Variants in GRIA4 observed in about 807,000 individuals in gnomAD.
The protein encoded by GRIA4 is glutamate receptor 4.
Under a neutral mutation model 104.0 loss-of-function variants are expected in GRIA4, and 34 were observed. That is an observed-to-expected ratio of 0.33 (90% CI 0.25 to 0.44). GRIA4 has a LOEUF of 0.44. GRIA4 is among the 20% of genes least tolerant of loss of function. The pLI is 1.00. For synonymous variants in GRIA4, 386 were observed against 381.9 expected (o/e 1.01, Z -0.13); for missense variants, 750 against 1,096.5 (o/e 0.68, Z 4.46).
intron 14 of GRIA4, among the ~76,000 whole-genome samples, chr11:105,966,763 A>G (rs1858391113): frequency 6.6e-6 from 1 of 152,178 alleles, no homozygotes; most frequent in African/African-American, 2.4e-5. Context: ...AGAATATGCT[A>G]GTGTCCCAGA....
intron 6 of GRIA4, among the ~76,000 whole-genome samples, chr11:105,896,629 G>A (rs771488401): frequency 2.0e-5 from 3 of 151,930 alleles, no homozygotes; most frequent in African/African-American, 2.4e-5. Context: ...TTCTGCATAG[G>A]GCCAGCCAGT....
intron 4 of GRIA4, among the ~76,000 whole-genome samples, chr11:105,840,706 T>G (rs971940607): frequency 6.6e-6 from 1 of 152,190 alleles, no homozygotes; most frequent in Non-Finnish European, 1.5e-5. Context: ...TCTTTAACTT[T>G]TATTAAACTT....
At chr11:105,612,213 T>C in intron 2 of GRIA4, 63 bp from the exon 3 acceptor site, 1 of 1,471,240 alleles carries the variant, frequency 6.8e-7, no homozygotes. Flanking sequence ...TGACTGTGCT[T>C]GGGGTGGGTA....
At position 105,894,791 on chromosome 11, in the gene GRIA4, A is replaced by ATT. The variant is rs569292239; in HGVS notation, c.727-3460_727-3459dup. 7.4e-3 allele frequency among the ~76,000 whole-genome samples: 939 copies of ATT among 126,346 alleles called. 74 individuals carry two copies. The highest frequency in any genetic ancestry group is 0.019 in the African/African-American group (590 of 31,772). 82.9% of individuals were successfully genotyped at this position (126,346 alleles called of 152,430 possible). A position where few individuals can be genotyped will look rare whatever the true frequency, so the allele number is the denominator to read the frequency against. On this transcript the variant is annotated intron_variant, in intron 6 of 16. Coordinates refer to ENST00000282499, the MANE Select transcript of GRIA4 (RefSeq NM_000829.4). ...TCTAACTGCAGGATTATTGCTACAT[A>ATT]TTTTTTTTTTTTTTTTTTTGAGACG...
intron 14 of GRIA4, chr11:105,945,627 C>A (rs1948287907): frequency 6.1e-6 from 1 of 163,470 alleles, no homozygotes; most frequent in Non-Finnish European, 1.3e-5. Context: ...CATAAGGAAA[C>A]CAGCTTGCCA....
At chr11:105,779,666 A>C (rs1691690859) in intron 4 of GRIA4, among the ~76,000 whole-genome samples, 1 of 152,060 alleles carries the variant, frequency 6.6e-6, no homozygotes, top group Non-Finnish European at 1.5e-5. Flanking sequence ...AAACTACTTG[A>C]AAGTTCATAT....
intron 3 of GRIA4, among the ~76,000 whole-genome samples, chr11:105,645,131 G>A (rs948955215): frequency 6.6e-6 from 1 of 152,194 alleles, no homozygotes; most frequent in Non-Finnish European, 1.5e-5. Context: ...AGGGTGGTGA[G>A]AAGGCAAAGC....
At chr11:105,637,828 A>T (rs1951248086) in intron 3 of GRIA4, among the ~76,000 whole-genome samples, 1 of 152,170 alleles carries the variant, frequency 6.6e-6, no homozygotes, top group Non-Finnish European at 1.5e-5. Flanking sequence ...TTTGAACATA[A>T]AGATTCTTAA....
chr11:105,769,788 C>T (rs1464323678), intron 4 of GRIA4, among the ~76,000 whole-genome samples: 1 of 151,980 alleles, frequency 6.6e-6, no homozygotes, highest in African/African-American at 2.4e-5. Flanking sequence ...TGAAAATGAG[C>T]ATAGTAAAAC....
At chr11:105,612,202 T>A in intron 2 of GRIA4, 74 bp from the exon 3 acceptor site, 1 of 1,373,306 alleles carries the variant, frequency 7.3e-7, no homozygotes, top group African/African-American at 1.4e-5. Flanking sequence ...GGCAGTAGAT[T>A]TGACTGTGCT....
intron 5 of GRIA4, among the ~76,000 whole-genome samples, chr11:105,874,777 T>C (rs1261687492): frequency 6.6e-6 from 1 of 152,236 alleles, no homozygotes; most frequent in Non-Finnish European, 1.5e-5. Context: ...TCCTGAGACT[T>C]TGCTGAAGTT....
At chr11:105,929,498 T>TG (rs1565348794) in intron 13 of GRIA4, among the ~76,000 whole-genome samples, 1 of 152,172 alleles carries the variant, frequency 6.6e-6, no homozygotes, top group African/African-American at 2.4e-5. Context: ...AGTCTGTACT[T>TG]GTCACTTAAT....
intron 3 of GRIA4, among the ~76,000 whole-genome samples, chr11:105,681,059 C>T (rs969659861): frequency 5.9e-5 from 9 of 152,170 alleles, no homozygotes; most frequent in Non-Finnish European, 1.0e-4. Context: ...ATACTTCTAA[C>T]GCCACATTCC....
At chr11:105,953,662 TAC>T (rs1948515415) in intron 14 of GRIA4, among the ~76,000 whole-genome samples, 6 of 150,962 alleles carry the variant, frequency 4.0e-5, no homozygotes, top group Non-Finnish European at 5.9e-5. Flanking sequence ...TATACATACA[TAC>T]ACACACACAC....
chr11:105,914,825 A>G (rs1366336801), intron 10 of GRIA4, among the ~76,000 whole-genome samples: 1 of 152,200 alleles, frequency 6.6e-6, no homozygotes, highest in Non-Finnish European at 1.5e-5. Flanking sequence ...TTTTTATTCA[A>G]AATTGAACAC....
At chr11:105,673,093 A>G (rs1952426190) in intron 3 of GRIA4, among the ~76,000 whole-genome samples, 1 of 152,026 alleles carries the variant, frequency 6.6e-6, no homozygotes, top group Admixed American at 6.6e-5. Context: ...AAAAGTCTAT[A>G]CCATCTGGTT....
intron 4 of GRIA4, among the ~76,000 whole-genome samples, chr11:105,784,349 CTCA>C (rs1941863206): frequency 6.6e-6 from 1 of 152,140 alleles, no homozygotes; most frequent in Non-Finnish European, 1.5e-5. Flanking sequence ...CTGTAAATCC[CTCA>C]TCATTTCTGT....
chr11:105,966,701 G>A (rs1481329379), intron 14 of GRIA4, among the ~76,000 whole-genome samples: 1 of 151,624 alleles, frequency 6.6e-6, no homozygotes, highest in Non-Finnish European at 1.5e-5. Context: ...TAAAATAATA[G>A]TTTTTTTTAT....
intron 4 of GRIA4, among the ~76,000 whole-genome samples, chr11:105,833,798 TCTC>T (rs1216479550): frequency 3.3e-5 from 5 of 152,012 alleles, no homozygotes; most frequent in Non-Finnish European, 7.4e-5. Flanking sequence ...CCTTACATGT[TCTC>T]CTACCTATCC....
Sources: gnomAD v4.1 joint callset for allele counts (sites outside exome capture counted in the v4.1 genomes callset) on GRCh38, gnomAD v4.1.1 for gene constraint, MANE v1.5 for transcripts, NCBI Gene and HGNC (gene_info 2026-07-23, HGNC 2026-07-21) for gene names.